SARDH: variants seen among roughly 807,000 people sequenced by gnomAD.
SARDH encodes sarcosine dehydrogenase, also known as sarcosine dehydrogenase, mitochondrial.
A neutral mutation model predicts 109.1 loss-of-function variants in SARDH; 95 were observed. That is an observed-to-expected ratio of 0.87 (90% CI 0.74 to 1.03). SARDH has a LOEUF of 1.03. Ranked by LOEUF, SARDH falls within the 50% of genes least tolerant of loss-of-function variation. SARDH has a pLI of 0.00. For synonymous variants in SARDH, 572 were observed against 534.8 expected, an observed-to-expected ratio of 1.07 and a Z score of -0.96; for missense variants, 1,267 against 1,287.8, an observed-to-expected ratio of 0.98 and a Z score of 0.25.
rs371152061 is a variant in SARDH, at chr9:133,685,216, G to C, written c.2140C>G (p.Leu714Val). ...ACCAGGTGCCCTGCGGCTCTCAGTA[G>C]CTTGTGGGTGGAGAACGGGAAGGCC... is the stretch of plus-strand genomic sequence containing the variant. ...NEAFPFSTHK[L>V]LRAAGHLVRA... The change falls in exon 17 of 21, where the codon CTA becomes GTA. Residue 714 changes from leucine (L) to valine (V), a missense_variant. Transcript: ENST00000439388. 141 of 1,613,842 alleles carry C rather than the reference G, an allele frequency of 8.7e-5. No individual in the cohort carries two copies. The highest frequency in any genetic ancestry group is 1.8e-4 in the Admixed American group (11 of 59,984).
rs926378540 is a variant in SARDH, at chr9:133,666,730, C to T, written c.2631+5G>A. Reference sequence around the variant, plus strand: ...GCCTTAGCAGGGCCAGAGAAGGGGACTCACCGGCCCACCGCTGGGGTCATG... The same window carrying T: ...GCCTTAGCAGGGCCAGAGAAGGGGATTCACCGGCCCACCGCTGGGGTCATG... On this transcript the variant is annotated splice_donor_5th_base_variant and intron_variant, in intron 20 of 20. Transcript: ENST00000439388. This position sits in a 1 kb window ranked among gnomAD's most constrained non-coding sequence, Gnocchi z 5.2. 6 of 1,584,508 alleles carry T rather than the reference C, an allele frequency of 3.8e-6. No homozygotes were observed. The African/African-American group carries it at 6.7e-5, about 18-fold the overall frequency.
chr9:133,683,540 GCTCTCT>G (rs957945029), intron 17 of SARDH, among the ~76,000 whole-genome samples: 1 of 152,178 alleles, frequency 6.6e-6, no homozygotes, highest in African/African-American at 2.4e-5. Flanking sequence ...CAGCTGTGCT[GCTCTCT>G]CTGAGTGCCC....
downstream of SARDH, among the ~76,000 whole-genome samples, chr9:133,660,148 TC>T (rs1203655498): frequency 7.0e-6 from 1 of 141,978 alleles, no homozygotes. Context: ...CCTACCCCGC[TC>T]CAGCAGTACC....
Position 133,728,219 on chromosome 9 carries a change from A to C in SARDH, c.915+1546T>G, listed in dbSNP as rs1175150277. On this transcript the variant is annotated intron_variant, in intron 6 of 20. Coordinates refer to ENST00000439388, the MANE Select transcript of SARDH (RefSeq NM_001134707.2). This position sits in a 1 kb window ranked among gnomAD's most constrained non-coding sequence, Gnocchi z 5.0. ...TGCCCAGCGCACAGGAGTCAGAGGC[A>C]GCAGCGCACTGGGACCCAGGTTCCG... Among the ~76,000 whole-genome samples, 1 of 152,186 alleles carries C rather than the reference A, an allele frequency of 6.6e-6. No homozygotes were observed. The highest frequency in any genetic ancestry group is 2.4e-5 in the African/African-American group (1 of 41,438).
rs1043470528 is a variant in SARDH at position 133,737,975 on chromosome 9, G to C, written c.-31+279C>G. Among the ~76,000 whole-genome samples, 4 of 152,200 alleles carry C rather than the reference G, an allele frequency of 2.6e-5. No homozygotes were observed. In the East Asian group the frequency reaches 7.7e-4, roughly 29 times the overall value. ...ACCTCACTGCAAAGCAGAGGACCCAGGAACGCCCTCCTCCTCCCAGGCTCA... is the reference window on the plus strand; with the variant it reads ...ACCTCACTGCAAAGCAGAGGACCCACGAACGCCCTCCTCCTCCCAGGCTCA... On this transcript the variant is annotated intron_variant, in intron 1 of 20. Transcript: ENST00000439388.
intron 15 of SARDH, among the ~76,000 whole-genome samples, chr9:133,691,509 G>GT (rs1439723617): frequency 1.3e-5 from 2 of 152,250 alleles, no homozygotes; most frequent in Non-Finnish European, 2.9e-5. Flanking sequence ...GGCAGTGGGT[G>GT]TGGGGGGAGC....
intron 15 of SARDH, among the ~76,000 whole-genome samples, chr9:133,690,742 C>A (rs908375003): frequency 6.6e-6 from 1 of 152,236 alleles, no homozygotes; most frequent in East Asian, 1.9e-4. Context: ...GGAGAAGGAC[C>A]TGCTTCTCAA....
chr9:133,698,542 C>A (rs1831369141), intron 13 of SARDH, among the ~76,000 whole-genome samples: 1 of 152,206 alleles, frequency 6.6e-6, no homozygotes, highest in Admixed American at 6.5e-5. Context: ...TACAAAGCCA[C>A]ATAATCAAGA....
intron 1 of SARDH, among the ~76,000 whole-genome samples, chr9:133,736,252 C>G (rs1039731723): frequency 6.6e-6 from 1 of 152,238 alleles, no homozygotes; most frequent in African/African-American, 2.4e-5. Context: ...AGCAGCCCCC[C>G]GCCTGGAATC....
At position 133,718,858 on chromosome 9, in the gene SARDH, G is replaced by T; in HGVS notation, c.1020+80C>A. ...TGCCTCTGAGGAGCTTCAGGAGGAT[G>T]GACTTCCTGAAAGAGGCCCTCTCCA... On this transcript the variant is annotated intron_variant, in intron 7 of 20. Transcript: ENST00000439388. The surrounding 1 kb of genome is among the most constrained non-coding windows in gnomAD (Gnocchi z 4.2). 1 of 1,108,944 alleles carries T rather than the reference G, an allele frequency of 9.0e-7. No individual in the cohort carries two copies. The highest frequency in any genetic ancestry group is 1.4e-6 in the Non-Finnish European group (1 of 722,786). 68.7% of individuals were successfully genotyped at this position (1,108,944 alleles called of 1,614,324 possible). A position where few individuals can be genotyped will look rare whatever the true frequency, so the allele number is the denominator to read the frequency against.
intron 20 of SARDH, 38 bp from the exon 21 acceptor site, chr9:133,664,052 G>GGTA (rs1564221561): frequency 6.2e-7 from 1 of 1,610,942 alleles, no homozygotes; most frequent in Non-Finnish European, 8.5e-7. Context: ...ACTCTCTGTT[G>GGTA]GTAGGTACAG....
intron 3 of SARDH, 119 bp from the exon 4 acceptor site, chr9:133,731,603 C>G: frequency 1.0e-6 from 1 of 968,896 alleles, no homozygotes; most frequent in South Asian, 1.6e-5. Flanking sequence ...AAGCCTTAGC[C>G]GGTCCCCACG....
intron 8 of SARDH, among the ~76,000 whole-genome samples, chr9:133,713,750 C>A (rs1832018272): frequency 6.6e-6 from 1 of 152,238 alleles, no homozygotes; most frequent in African/African-American, 2.4e-5. Flanking sequence ...GATTCAAAAC[C>A]TGCTTCACCC....
chr9:133,719,483 T>C (rs1646711484), intron 6 of SARDH, among the ~76,000 whole-genome samples: 1 of 152,050 alleles, frequency 6.6e-6, no homozygotes, highest in African/African-American at 2.4e-5. Flanking sequence ...GGCAAGCCAG[T>C]GTGCCCCTCC....
chr9:133,731,682 C>T (rs748848618), intron 3 of SARDH, among the ~76,000 whole-genome samples, 198 bp from the exon 4 acceptor site: 46 of 152,210 alleles, frequency 3.0e-4, no homozygotes, highest in Non-Finnish European at 4.6e-4. Flanking sequence ...AGGCAGGCTC[C>T]GGGGCCAGGC....
rs1203301007 is a variant in SARDH, at chr9:133,686,258, C to T, written c.2070-972G>A. ...TCACACTTGCGCAAGTACCGGAGACCTCACTGGAGCCAACACCCATGGTCT... is the reference window on the plus strand; with the variant it reads ...TCACACTTGCGCAAGTACCGGAGACTTCACTGGAGCCAACACCCATGGTCT... On this transcript the variant is annotated intron_variant, in intron 16 of 20. Coordinates refer to ENST00000439388, the MANE Select transcript of SARDH (RefSeq NM_001134707.2). This position sits in a 1 kb window ranked among gnomAD's most constrained non-coding sequence, Gnocchi z 4.0. 6.6e-6 allele frequency among the ~76,000 whole-genome samples: 1 copy of T among 152,068 alleles called. No individual in the cohort carries two copies. Among genetic ancestry groups the T allele is most frequent in the Non-Finnish European group, 1.5e-5 (1 of 67,978 alleles).
chr9:133,703,188 G>T, intron 12 of SARDH, 159 bp from the exon 13 acceptor site: 1 of 651,538 alleles, frequency 1.5e-6, no homozygotes, highest in Non-Finnish European at 2.7e-6. Context: ...CGGGCAGGGG[G>T]CCCCCATGAG....
chr9:133,696,812 T>C (rs1052724213), intron 13 of SARDH, among the ~76,000 whole-genome samples: 3 of 152,160 alleles, frequency 2.0e-5, no homozygotes, highest in Admixed American at 6.5e-5. Flanking sequence ...CAACCACTTA[T>C]GAGATGCAGC....
At chr9:133,707,778 A>G (rs1355124863) in intron 11 of SARDH, among the ~76,000 whole-genome samples, 3 of 152,156 alleles carry the variant, frequency 2.0e-5, no homozygotes, top group South Asian at 2.1e-4. Context: ...TTGGGGGACC[A>G]GGGGAGGGCA....
Sources: gnomAD v4.1 joint callset for allele counts (sites outside exome capture counted in the v4.1 genomes callset) on GRCh38, gnomAD v4.1.1 for gene constraint, Gnocchi (gnomAD v3.1) non-coding constraint, MANE v1.5 for transcripts, NCBI Gene and HGNC (gene_info 2026-07-23, HGNC 2026-07-21) for gene names.